Variants in TDRD9 observed in about 807,000 individuals in gnomAD.
The protein encoded by TDRD9 is tudor domain containing 9, also known as ATP-dependent RNA helicase TDRD9.
TDRD9 carries 124 observed loss-of-function variants against 172.6 expected under a neutral mutation model. That is an observed-to-expected ratio of 0.72 (90% CI 0.62 to 0.83). The LOEUF (loss-of-function observed/expected upper bound fraction) is 0.83, where lower values mean the gene tolerates loss of function less well. Ranked by LOEUF, TDRD9 falls within the 40% of genes least tolerant of loss-of-function variation. TDRD9 has a pLI of 0.00. For synonymous variants in TDRD9, 619 were observed against 617.1 expected (o/e 1.00, Z -0.05); for missense variants, 1,479 against 1,714.1 (o/e 0.86, Z 2.42).
chr14:103,998,759 A>G, intron 13 of TDRD9, 31 bp downstream of exon 13: 2 of 1,125,288 alleles, frequency 1.8e-6, no homozygotes, highest in Non-Finnish European at 2.7e-6. Flanking sequence ...CACAATAATG[A>G]GTCATTGGTG....
chr14:104,019,343 G>A (rs1431532370), intron 23 of TDRD9, among the ~76,000 whole-genome samples: 2 of 151,970 alleles, frequency 1.3e-5, no homozygotes, highest in African/African-American at 4.8e-5. Context: ...TCTTGCCTGG[G>A]ACTTTTTTTT....
chr14:103,983,018 A>C (rs910445897), intron 7 of TDRD9, among the ~76,000 whole-genome samples: 14 of 150,442 alleles, frequency 9.3e-5, no homozygotes, highest in Non-Finnish European at 1.9e-4. Flanking sequence ...CCAGTAGTAG[A>C]GCATGCCCCC....
chr14:104,008,579 T>C, intron 20 of TDRD9, 113 bp downstream of exon 20: 1 of 688,348 alleles, frequency 1.5e-6, no homozygotes, highest in Non-Finnish European at 2.5e-6. Context: ...TTCCAAGAAG[T>C]GTATTTCCTG....
chr14:103,962,252 T>C (rs2032542299), intron 2 of TDRD9, among the ~76,000 whole-genome samples: 1 of 152,046 alleles, frequency 6.6e-6, no homozygotes, highest in South Asian at 2.1e-4. Context: ...TGATGTATTT[T>C]AGTAGCAGGG....
chr14:103,986,394 T>G, intron 8 of TDRD9, 74 bp downstream of exon 8: 260 of 1,009,974 alleles, frequency 2.6e-4, no homozygotes, highest in Non-Finnish European at 3.4e-4. Context: ...GGAAACGTTT[T>G]AGTGTTTTTA....
intron 12 of TDRD9, 112 bp from the exon 13 acceptor site, chr14:103,998,512 A>G: frequency 1.4e-6 from 1 of 701,566 alleles, no homozygotes; most frequent in African/African-American, 1.8e-5. Flanking sequence ...CTGCCTGTTC[A>G]CTAATTCTTA....
intron 26 of TDRD9, 104 bp downstream of exon 26, chr14:104,025,880 G>T: frequency 8.9e-7 from 1 of 1,121,048 alleles, no homozygotes; most frequent in Non-Finnish European, 1.3e-6. Flanking sequence ...TAAAATAATT[G>T]CAGTTAGCAA....
intron 12 of TDRD9, among the ~76,000 whole-genome samples, chr14:103,996,151 T>C (rs1243678340): frequency 6.6e-6 from 1 of 152,232 alleles, no homozygotes; most frequent in Non-Finnish European, 1.5e-5. Flanking sequence ...CTCTGAAGGT[T>C]GCTTGGCAGG....
At chr14:103,961,787 A>G (rs1566742196) in intron 2 of TDRD9, among the ~76,000 whole-genome samples, 1 of 152,128 alleles carries the variant, frequency 6.6e-6, no homozygotes, top group Non-Finnish European at 1.5e-5. Context: ...TTTTAATTAC[A>G]TGTTATTAGA....
chr14:104,002,053 C>T (rs1216796513), intron 13 of TDRD9, among the ~76,000 whole-genome samples: 1 of 151,928 alleles, frequency 6.6e-6, no homozygotes, highest in African/African-American at 2.4e-5. Context: ...GACACAGTGG[C>T]TCATGCCTGT....
At chr14:104,029,892 C>T (rs2368995) in intron 28 of TDRD9, among the ~76,000 whole-genome samples, 148,287 of 152,246 alleles carry the variant, frequency 0.97, 72,338 homozygotes, top group East Asian at 1. Context: ...TAAAGTAATG[C>T]TGAATTTTAT....
In TDRD9 at chr14:103,938,762, C is replaced by G. The variant is rs575502343; in HGVS notation, c.215+10038C>G. ...CCCCTTTATATTTTCAATCCTGATT[C>G]CTTTGCCAGCTTTAGGTATTATAAA... On this transcript the variant is annotated intron_variant, in intron 1 of 35. Transcript: ENST00000409874. Among the ~76,000 whole-genome samples, 8 of 152,018 alleles carry G rather than the reference C, an allele frequency of 5.3e-5. No homozygotes were observed. The South Asian group carries it at 1.7e-3, about 32-fold the overall frequency.
intron 20 of TDRD9, among the ~76,000 whole-genome samples, chr14:104,011,335 C>T (rs897499749): frequency 2.6e-5 from 4 of 151,868 alleles, no homozygotes; most frequent in Admixed American, 6.6e-5. Flanking sequence ...CTCTGGTTTA[C>T]GTGTGTGTGT....
In TDRD9 at chr14:104,040,179, G is replaced by A. The variant is rs763454516; in HGVS notation, c.3717-17G>A. 13 of 1,443,950 alleles carry A rather than the reference G, an allele frequency of 9.0e-6. No homozygotes were observed. Among genetic ancestry groups the A allele is most frequent in the Non-Finnish European group, 1.2e-5 (13 of 1,087,650 alleles). The allele number at this position is 1,443,950 out of a possible 1,614,324, so 89.4% of individuals were successfully genotyped here. ...CAATTCTGAAATAATGGACTCTTCT[G>A]AAAACATTCCATTTAGGATTGATCA... On this transcript the variant is annotated splice_polypyrimidine_tract_variant and intron_variant, in intron 32 of 35. Transcript: ENST00000409874.
chr14:104,003,153 G>A (rs1392987619), intron 13 of TDRD9, among the ~76,000 whole-genome samples: 1 of 152,056 alleles, frequency 6.6e-6, no homozygotes, highest in Non-Finnish European at 1.5e-5. Context: ...AAGAGATTGA[G>A]ATTGGCTCAA....
intron 4 of TDRD9, among the ~76,000 whole-genome samples, chr14:103,966,212 T>G (rs187227440): frequency 1.1e-4 from 17 of 151,888 alleles, no homozygotes; most frequent in African/African-American, 3.9e-4. Context: ...ATGCCTGTGA[T>G]TCCAGCTACT....
At chr14:103,945,028 C>T (rs889695085) in intron 1 of TDRD9, among the ~76,000 whole-genome samples, 1 of 152,172 alleles carries the variant, frequency 6.6e-6, no homozygotes, top group African/African-American at 2.4e-5. Context: ...GTTCCTACTC[C>T]CAAGGAGCCA....
intron 4 of TDRD9, 36 bp downstream of exon 4, chr14:103,965,590 AGCT>A: frequency 6.6e-7 from 1 of 1,504,494 alleles, no homozygotes; most frequent in Non-Finnish European, 9.0e-7. Context: ...TAAGAGAGCC[AGCT>A]GTCTCTCTAT....
intron 24 of TDRD9, among the ~76,000 whole-genome samples, chr14:104,022,736 AT>A (rs2034999636): frequency 6.6e-6 from 1 of 150,616 alleles, no homozygotes; most frequent in Non-Finnish European, 1.5e-5. Flanking sequence ...TAAAAAATAA[AT>A]AAATAAATAA....
Sources: gnomAD v4.1 joint callset for allele counts (sites outside exome capture counted in the v4.1 genomes callset) on GRCh38, gnomAD v4.1.1 for gene constraint, MANE v1.5 for transcripts, NCBI Gene and HGNC (gene_info 2026-07-23, HGNC 2026-07-21) for gene names.